PCDH15: variants seen among roughly 807,000 people sequenced by gnomAD.
The protein encoded by PCDH15 is protocadherin-15.
A neutral mutation model predicts 178.5 loss-of-function variants in PCDH15; 129 were observed. The ratio of observed to expected loss-of-function variants is 0.72; its 90% confidence interval spans 0.63 to 0.84. The LOEUF (loss-of-function observed/expected upper bound fraction) is 0.84, where lower values mean the gene tolerates loss of function less well. PCDH15 is among the 40% of genes least tolerant of loss of function. The pLI is 0.00. For missense variants in PCDH15, 2,230 were observed against 2,099.9 expected (o/e 1.06, Z -1.21); for synonymous variants, 800 against 732.0 (o/e 1.09, Z -1.50).
intron 9 of PCDH15, among the ~76,000 whole-genome samples, chr10:54,233,945 G>A (rs1301153154): frequency 1.3e-5 from 2 of 152,152 alleles, no homozygotes; most frequent in Non-Finnish European, 2.9e-5. Flanking sequence ...ATAGACATCA[G>A]CATCCGTATC....
intron 1 of PCDH15, among the ~76,000 whole-genome samples, chr10:55,167,024 A>T (rs769989570): frequency 2.6e-5 from 4 of 152,194 alleles, no homozygotes; most frequent in Non-Finnish European, 5.9e-5. Context: ...TGACACTTCA[A>T]ATATATGATG....
chr10:54,785,205 T>C (rs1483616608), intron 1 of PCDH15, among the ~76,000 whole-genome samples: 1 of 152,034 alleles, frequency 6.6e-6, no homozygotes, highest in Non-Finnish European at 1.5e-5. Flanking sequence ...TTCTCAAACT[T>C]TTGGTGATCA....
At chr10:54,573,573 C>T (rs2090098877) in intron 2 of PCDH15, among the ~76,000 whole-genome samples, 1 of 152,302 alleles carries the variant, frequency 6.6e-6, no homozygotes, top group African/African-American at 2.4e-5. Context: ...ATTTTTAACT[C>T]TCTGCCTTGT....
chr10:54,534,211 G>A (rs909959674), intron 2 of PCDH15, among the ~76,000 whole-genome samples: 12 of 152,054 alleles, frequency 7.9e-5, no homozygotes, highest in Admixed American at 5.9e-4. Context: ...AGGGCTGATA[G>A]TAAATATAGT....
chr10:54,758,274 A>T (rs1157271824), intron 1 of PCDH15, among the ~76,000 whole-genome samples: 3 of 152,164 alleles, frequency 2.0e-5, no homozygotes, highest in Non-Finnish European at 2.9e-5. Context: ...GAAATGTTTC[A>T]TCAAATTTTG....
At position 54,754,957 on chromosome 10, in the gene PCDH15, T is replaced by C. The variant is rs1946867673; in HGVS notation, c.-29+45968A>G. Among the ~76,000 whole-genome samples, 2 of 96,022 alleles carry C rather than the reference T, an allele frequency of 2.1e-5. 1 individual carries two copies. Among genetic ancestry groups the C allele is most frequent in the South Asian group, 6.4e-4 (2 of 3,118 alleles). The allele number at this position is 96,022 out of a possible 152,430, so 63.0% of individuals were successfully genotyped here. A position where few individuals can be genotyped will look rare whatever the true frequency, so the allele number is the denominator to read the frequency against. On this transcript the variant is annotated intron_variant, in intron 1 of 37. Transcript: ENST00000644397. Reference sequence around the variant, plus strand: ...GTTTTTCTTTCTTTTTTTTTTTTTTTTTTTTTTTTGGGAGACAGACTCACT... The same window carrying C: ...GTTTTTCTTTCTTTTTTTTTTTTTTCTTTTTTTTTGGGAGACAGACTCACT...
rs555556482 is a variant in PCDH15, at chr10:54,943,943, C to G, written c.-79-46443G>C. Among the ~76,000 whole-genome samples the G allele has an allele frequency of 2.8e-4, 43 of 151,534 alleles. 1 individual carries two copies. The South Asian group carries it at 8.1e-3, about 29-fold the overall frequency. On this transcript the variant is annotated intron_variant, in intron 2 of 5. Transcript: ENST00000458638. ...GACATGGTTTAAAGGGAGTTTCTAT[C>G]CCACAGCAAGAAATAAAGCCTTTCT... is the stretch of plus-strand genomic sequence containing the variant.
At chr10:53,850,738 A>G (rs2078302582) in intron 28 of PCDH15, among the ~76,000 whole-genome samples, 1 of 152,184 alleles carries the variant, frequency 6.6e-6, no homozygotes, top group Non-Finnish European at 1.5e-5. Flanking sequence ...GGTGTGCTGC[A>G]TTATCTGATA....
intron 1 of PCDH15, among the ~76,000 whole-genome samples, chr10:54,694,247 A>G (rs1397772444): frequency 6.6e-6 from 1 of 152,202 alleles, no homozygotes; most frequent in Non-Finnish European, 1.5e-5. Flanking sequence ...GTTTAGAAGA[A>G]TGTATAGACA....
intron 8 of PCDH15, among the ~76,000 whole-genome samples, chr10:54,260,940 T>G (rs2057274482): frequency 1.3e-5 from 2 of 152,196 alleles, no homozygotes; most frequent in Non-Finnish European, 2.9e-5. Context: ...GCCTGATTTT[T>G]ATGCTTTTAA....
At chr10:54,355,050 T>C (rs1489056178) in intron 5 of PCDH15, among the ~76,000 whole-genome samples, 1 of 147,192 alleles carries the variant, frequency 6.8e-6, no homozygotes, top group African/African-American at 2.5e-5. Flanking sequence ...TACACTTTCA[T>C]GTGTGGAGAA....
intron 2 of PCDH15, 29 bp downstream of exon 2, chr10:54,664,143 T>C (rs1590918026): frequency 6.5e-7 from 1 of 1,545,052 alleles, no homozygotes; most frequent in South Asian, 1.1e-5. Flanking sequence ...CCTGGCTCGC[T>C]CTAAAGGTCA....
At chr10:55,237,598 A>T (rs1841417689) in intron 1 of PCDH15, among the ~76,000 whole-genome samples, 1 of 152,216 alleles carries the variant, frequency 6.6e-6, no homozygotes, top group East Asian at 1.9e-4. Flanking sequence ...ATCATTCTAA[A>T]TTTGATGCTG....
At chr10:53,969,161 A>T (rs1390340457) in intron 21 of PCDH15, among the ~76,000 whole-genome samples, 1 of 152,198 alleles carries the variant, frequency 6.6e-6, no homozygotes, top group African/African-American at 2.4e-5. Flanking sequence ...AGAAGACCTT[A>T]AATGACCTGA....
intron 2 of PCDH15, among the ~76,000 whole-genome samples, chr10:55,370,175 G>A (rs1845469615): frequency 6.6e-6 from 1 of 151,998 alleles, no homozygotes; most frequent in Non-Finnish European, 1.5e-5. Context: ...AATAAATGGG[G>A]AGGACACAGA....
intron 2 of PCDH15, among the ~76,000 whole-genome samples, chr10:54,626,560 C>T (rs2093556533): frequency 6.6e-6 from 1 of 152,156 alleles, no homozygotes; most frequent in Admixed American, 6.5e-5. Flanking sequence ...TGCAAGTGTA[C>T]AGAAGTCAAG....
intron 1 of PCDH15, among the ~76,000 whole-genome samples, chr10:54,750,289 A>G (rs1946047736): frequency 1.7e-5 from 2 of 114,430 alleles, no homozygotes; most frequent in Admixed American, 1.7e-4. Context: ...TAAACAGTAA[A>G]TAATTAAAAT....
chr10:54,861,412 A>G (rs1953840091), intron 3 of PCDH15, among the ~76,000 whole-genome samples: 1 of 152,176 alleles, frequency 6.6e-6, no homozygotes, highest in South Asian at 2.1e-4. Context: ...CCCAAGTTTG[A>G]ACCGGGAAGA....
chr10:55,384,476 T>A (rs1054855289), intron 2 of PCDH15, among the ~76,000 whole-genome samples: 2 of 152,186 alleles, frequency 1.3e-5, no homozygotes, highest in Non-Finnish European at 2.9e-5. Context: ...CTCATTCTGA[T>A]GGAAAAATTA....
Sources: gnomAD v4.1 joint callset for allele counts (sites outside exome capture counted in the v4.1 genomes callset) on GRCh38, gnomAD v4.1.1 for gene constraint, MANE v1.5 for transcripts, NCBI Gene and HGNC (gene_info 2026-07-23, HGNC 2026-07-21) for gene names.